RABGAP1L: variants seen among roughly 807,000 people sequenced by gnomAD.
RABGAP1L encodes the protein rab GTPase-activating protein 1-like.
A neutral mutation model predicts 137.7 loss-of-function variants in RABGAP1L; 63 were observed. That is an observed-to-expected ratio of 0.46 (90% CI 0.37 to 0.56). The LOEUF is 0.56. Among genes scored for constraint, RABGAP1L ranks in the 20% least tolerant of loss-of-function variants. The probability of loss-of-function intolerance (pLI) is 0.00; values close to 1 mark genes in which losing one functional copy is unlikely to be tolerated. For synonymous variants in RABGAP1L, 431 were observed against 433.7 expected, an observed-to-expected ratio of 0.99 and a Z score of 0.08; for missense variants, 1,095 against 1,244.0, an observed-to-expected ratio of 0.88 and a Z score of 1.80.
intron 14 of RABGAP1L, among the ~76,000 whole-genome samples, chr1:174,651,022 C>G (rs61826944): frequency 0.09 from 13,590 of 151,020 alleles, 822 homozygotes; most frequent in East Asian, 0.22. Flanking sequence ...CCCGGAGATT[C>G]TGGTATGTTG....
chr1:174,679,519 C>G (rs185907618), intron 14 of RABGAP1L, among the ~76,000 whole-genome samples: 7 of 152,248 alleles, frequency 4.6e-5, no homozygotes, highest in Admixed American at 2.0e-4. Flanking sequence ...TGGAAGAAGA[C>G]AAAGATGTCC....
intron 13 of RABGAP1L, among the ~76,000 whole-genome samples, chr1:174,410,056 A>T (rs574672784): frequency 6.6e-6 from 1 of 151,412 alleles, no homozygotes; most frequent in Non-Finnish European, 1.5e-5. Flanking sequence ...TTTGTGACCT[A>T]CTCCCTGTTT....
chr1:174,724,044 T>G (rs1572934064), intron 17 of RABGAP1L, among the ~76,000 whole-genome samples: 2 of 152,250 alleles, frequency 1.3e-5, no homozygotes, highest in East Asian at 3.8e-4. Flanking sequence ...TTTCATAAGT[T>G]TGTCCTCTAG....
intron 3 of RABGAP1L, among the ~76,000 whole-genome samples, chr1:174,229,219 A>G (rs1271140277): frequency 6.6e-6 from 1 of 152,204 alleles, no homozygotes; most frequent in African/African-American, 2.4e-5. Context: ...GAGATGTAAC[A>G]TTTTAACATT....
rs760181639 is a variant in RABGAP1L, at chr1:174,833,449, G to GATAT, written c.2340+21505_2340+21508dup. On this transcript the variant is annotated intron_variant, in intron 19 of 25. Coordinates refer to ENST00000681986, the MANE Select transcript of RABGAP1L (RefSeq NM_001366446.1). The stretch of plus-strand genomic sequence containing the variant: ...ATATATATATGTGTGTGTGTGTAGA[G>GATAT]ATATATATATATATATATAGTAGAG... 6.8e-4 allele frequency among the ~76,000 whole-genome samples: 19 copies of GATAT among 27,846 alleles called. 3 individuals are homozygous for GATAT. The highest frequency in any genetic ancestry group is 1.2e-3 in the Admixed American group (2 of 1,682). The allele number at this position is 27,846 out of a possible 152,430, so 18.3% of individuals were successfully genotyped here.
At chr1:174,536,850 T>C (rs1163479582) in intron 13 of RABGAP1L, among the ~76,000 whole-genome samples, 2 of 152,166 alleles carry the variant, frequency 1.3e-5, no homozygotes, top group Non-Finnish European at 2.9e-5. Flanking sequence ...ATAATTACTT[T>C]TTTCCTTTTA....
At chr1:174,580,718 C>T (rs1478896190) in intron 13 of RABGAP1L, among the ~76,000 whole-genome samples, 1 of 152,000 alleles carries the variant, frequency 6.6e-6, no homozygotes, top group Non-Finnish European at 1.5e-5. Flanking sequence ...CAACATGGCA[C>T]ATGTATACAT....
In RABGAP1L at chr1:174,417,124, A is replaced by C. The variant is rs567519886; in HGVS notation, c.1710+22979A>C. On this transcript the variant is annotated intron_variant, in intron 13 of 25. Transcript: ENST00000681986. ...TTACTTTTGCACCAGCCTAGTAAGAACTGGAAAGCTACTCTCAGTGAAGAC... is the reference window on the plus strand; with the variant it reads ...TTACTTTTGCACCAGCCTAGTAAGACCTGGAAAGCTACTCTCAGTGAAGAC... Among the ~76,000 whole-genome samples, 3 of 152,280 alleles carry C rather than the reference A, an allele frequency of 2.0e-5. No individual in the cohort carries two copies. In the East Asian group the frequency reaches 5.8e-4, roughly 29 times the overall value.
chr1:174,652,705 C>T (rs888839053), intron 14 of RABGAP1L, among the ~76,000 whole-genome samples: 7 of 152,168 alleles, frequency 4.6e-5, no homozygotes, highest in South Asian at 2.1e-4. Context: ...AGATGCCAGC[C>T]GGAGCTCTCC....
intron 17 of RABGAP1L, among the ~76,000 whole-genome samples, chr1:174,732,454 TTTTA>T (rs1682564827): frequency 6.6e-6 from 1 of 152,204 alleles, no homozygotes; most frequent in Non-Finnish European, 1.5e-5. Context: ...TTCTGTCTAG[TTTTA>T]TTTTTTAGAT....
chr1:174,432,808 T>C (rs1405493188), intron 13 of RABGAP1L, among the ~76,000 whole-genome samples: 1 of 152,194 alleles, frequency 6.6e-6, no homozygotes, highest in Non-Finnish European at 1.5e-5. Context: ...AGTGCTAGTA[T>C]TACAGGCGTG....
At chr1:174,452,239 T>G (rs1655528975) in intron 13 of RABGAP1L, among the ~76,000 whole-genome samples, 2 of 152,230 alleles carry the variant, frequency 1.3e-5, no homozygotes. Context: ...GCATTCTGTA[T>G]TCTTTTTCCT....
At chr1:174,547,803 A>G in intron 13 of RABGAP1L, 2 of 1,465,552 alleles carry the variant, frequency 1.4e-6, no homozygotes, top group Middle Eastern at 2.2e-4. Flanking sequence ...ATTACATAGT[A>G]TTTGAAAATA....
chr1:174,929,563 G>A (rs1663386658), intron 19 of RABGAP1L, among the ~76,000 whole-genome samples: 1 of 151,844 alleles, frequency 6.6e-6, no homozygotes, highest in African/African-American at 2.4e-5. Context: ...GCAACATAAC[G>A]AGATCCTATC....
At chr1:174,477,426 A>G (rs958418508) in intron 13 of RABGAP1L, among the ~76,000 whole-genome samples, 10 of 152,240 alleles carry the variant, frequency 6.6e-5, no homozygotes, top group African/African-American at 2.4e-4. Flanking sequence ...TCAAGTAAGC[A>G]TTGAATTTTT....
intron 13 of RABGAP1L, among the ~76,000 whole-genome samples, chr1:174,605,238 T>C (rs1197639761): frequency 1.3e-5 from 2 of 152,184 alleles, no homozygotes; most frequent in Non-Finnish European, 2.9e-5. Context: ...GGAACACTTG[T>C]CATGGTGAGG....
chr1:174,608,690 T>G (rs1670964979), intron 13 of RABGAP1L, among the ~76,000 whole-genome samples: 1 of 152,168 alleles, frequency 6.6e-6, no homozygotes, highest in Non-Finnish European at 1.5e-5. Flanking sequence ...CCTTTTTTTC[T>G]ATTTGAGGGT....
At chr1:174,980,891 C>A (rs563131178) in intron 23 of RABGAP1L, among the ~76,000 whole-genome samples, 11 of 148,428 alleles carry the variant, frequency 7.4e-5, no homozygotes, top group African/African-American at 2.5e-4. Context: ...AAGGGAGACA[C>A]AAAAGACAGT....
chr1:174,204,572 C>T (rs553930427), intron 1 of RABGAP1L, among the ~76,000 whole-genome samples: 1 of 152,046 alleles, frequency 6.6e-6, no homozygotes, highest in Admixed American at 6.6e-5. Context: ...TTATTTTATT[C>T]CTTCAGTACA....
Sources: allele counts gnomAD v4.1 joint callset (sites outside exome capture counted in the v4.1 genomes callset), GRCh38; gene constraint gnomAD v4.1.1; transcripts MANE v1.5; gene names NCBI Gene and HGNC (gene_info 2026-07-23, HGNC 2026-07-21).